Variants in MIPOL1 observed in about 807,000 individuals in gnomAD.
MIPOL1 encodes mirror-image polydactyly 1, also known as mirror-image polydactyly gene 1 protein.
In MIPOL1, 57 loss-of-function variants were observed where a neutral mutation model predicts 60.9. The ratio of observed to expected loss-of-function variants is 0.94; its 90% CI spans 0.76 to 1.17. The LOEUF is 1.17. Among genes scored for constraint, MIPOL1 ranks in the 50% most tolerant of loss-of-function variants. The probability of loss-of-function intolerance (pLI) is 0.00; values close to 1 mark genes in which losing one functional copy is unlikely to be tolerated. For missense variants in MIPOL1, 551 were observed against 511.6 expected, an observed-to-expected ratio of 1.08 and a Z score of -0.74; for synonymous variants, 179 against 168.8, an observed-to-expected ratio of 1.06 and a Z score of -0.47.
chr14:37,545,506 T>C (rs996828349), intron 12 of MIPOL1, among the ~76,000 whole-genome samples: 4 of 152,236 alleles, frequency 2.6e-5, no homozygotes, highest in Non-Finnish European at 5.9e-5. Flanking sequence ...TTTTAGTGGA[T>C]ATACAACATT....
chr14:37,381,670 T>A (rs112044349), intron 10 of MIPOL1, among the ~76,000 whole-genome samples: 1,873 of 151,750 alleles, frequency 0.012, 12 homozygotes, highest in Middle Eastern at 0.031. Flanking sequence ...GCAGCCCCAA[T>A]CTTCCAGGCT....
At chr14:37,425,941 G>A (rs1404438283) in intron 11 of MIPOL1, among the ~76,000 whole-genome samples, 1 of 152,066 alleles carries the variant, frequency 6.6e-6, no homozygotes, top group African/African-American at 2.4e-5. Flanking sequence ...GTAATTAGGA[G>A]GTAAAGAAGC....
At chr14:37,318,532 A>G (rs1302587331) in intron 9 of MIPOL1, among the ~76,000 whole-genome samples, 1 of 152,128 alleles carries the variant, frequency 6.6e-6, no homozygotes, top group Non-Finnish European at 1.5e-5. Context: ...CAGTCTTGCT[A>G]AAATATATTG....
intron 3 of MIPOL1, 108 bp downstream of exon 3, chr14:37,248,015 TGC>T: frequency 1.9e-6 from 2 of 1,044,780 alleles, no homozygotes; most frequent in Non-Finnish European, 2.9e-6. Flanking sequence ...GGTAGACAAG[TGC>T]GCACACACAC....
At chr14:37,460,154 A>G (rs1466394440) in intron 11 of MIPOL1, among the ~76,000 whole-genome samples, 2 of 152,072 alleles carry the variant, frequency 1.3e-5, no homozygotes, top group African/African-American at 4.8e-5. Context: ...CACATCAAGA[A>G]GTTAATACAC....
chr14:37,435,110 C>G (rs1379626232), intron 11 of MIPOL1, among the ~76,000 whole-genome samples: 1 of 152,074 alleles, frequency 6.6e-6, no homozygotes, highest in Non-Finnish European at 1.5e-5. Flanking sequence ...TTTTATGACC[C>G]CAGATGTATG....
intron 9 of MIPOL1, among the ~76,000 whole-genome samples, chr14:37,344,792 C>T (rs752586470): frequency 3.3e-5 from 5 of 152,002 alleles, no homozygotes; most frequent in African/African-American, 4.8e-5. Context: ...CACTTAGGGA[C>T]GCCCAGGCAG....
At chr14:37,333,660 A>G (rs2063073209) in intron 9 of MIPOL1, among the ~76,000 whole-genome samples, 2 of 152,270 alleles carry the variant, frequency 1.3e-5, no homozygotes, top group African/African-American at 2.4e-5. Flanking sequence ...AAAGAGGGAC[A>G]TATCACCAGA....
intron 10 of MIPOL1, among the ~76,000 whole-genome samples, chr14:37,421,194 C>T (rs1039822573): frequency 4.6e-5 from 7 of 152,108 alleles, no homozygotes; most frequent in African/African-American, 2.4e-5. Context: ...TGTTTTCCTA[C>T]AAGAATTTTT....
At chr14:37,213,992 A>T (rs1967141890) in intron 1 of MIPOL1, among the ~76,000 whole-genome samples, 1 of 152,222 alleles carries the variant, frequency 6.6e-6, no homozygotes, top group Non-Finnish European at 1.5e-5. Context: ...TCCTTCAAAC[A>T]TGAAAGAGAA....
intron 10 of MIPOL1, among the ~76,000 whole-genome samples, chr14:37,379,644 G>A (rs1468469315): frequency 6.6e-6 from 1 of 152,044 alleles, no homozygotes; most frequent in East Asian, 1.9e-4. Context: ...TCAAAAATGG[G>A]CAAAGTATCA....
intron 12 of MIPOL1, among the ~76,000 whole-genome samples, chr14:37,527,020 G>A (rs2153634386): frequency 6.6e-6 from 1 of 152,136 alleles, no homozygotes; most frequent in South Asian, 2.1e-4. Context: ...ATAAGATTAA[G>A]CTTTTAAAAA....
chr14:37,488,683 T>C (rs931657188), intron 11 of MIPOL1, among the ~76,000 whole-genome samples: 1 of 152,174 alleles, frequency 6.6e-6, no homozygotes, highest in Non-Finnish European at 1.5e-5. Context: ...ATTTTATTTC[T>C]CCTTTGCTTA....
chr14:37,259,272 T>C (rs1467914736), intron 3 of MIPOL1, among the ~76,000 whole-genome samples: 1 of 152,212 alleles, frequency 6.6e-6, no homozygotes, highest in Non-Finnish European at 1.5e-5. Context: ...GAATTACATA[T>C]GCACTGGGGA....
chr14:37,471,014 G>A (rs2094681672), intron 11 of MIPOL1, among the ~76,000 whole-genome samples: 1 of 152,106 alleles, frequency 6.6e-6, no homozygotes, highest in South Asian at 2.1e-4. Flanking sequence ...TTTCGGTAAT[G>A]GGTATACTAA....
chr14:37,213,023 G>A (rs1484822889), intron 1 of MIPOL1, among the ~76,000 whole-genome samples: 1 of 152,282 alleles, frequency 6.6e-6, no homozygotes, highest in East Asian at 1.9e-4. Flanking sequence ...TAGTCTTGGG[G>A]TTCCCTCTAA....
At chr14:37,281,648 A>G (rs1319143103) in intron 6 of MIPOL1, among the ~76,000 whole-genome samples, 1 of 151,726 alleles carries the variant, frequency 6.6e-6, no homozygotes, top group Admixed American at 6.6e-5. Flanking sequence ...CAGGTGATCC[A>G]CCCGCCTTGG....
chr14:37,530,989 TG>T (rs761253587), intron 12 of MIPOL1, among the ~76,000 whole-genome samples: 4 of 152,060 alleles, frequency 2.6e-5, no homozygotes, highest in Non-Finnish European at 4.4e-5. Context: ...GGCTAATTTT[TG>T]TATTTTTAGT....
rs2094142550 is a variant in MIPOL1, at chr14:37,435,054, A to G, written c.1031+12105A>G. The stretch of plus-strand genomic sequence containing the variant: ...TTTCACCACACTTTCTATTCCACCT[A>G]CTTTGTGAATTTAAAGTCATCTTCC... On this transcript the variant is annotated intron_variant, in intron 11 of 12. Coordinates refer to ENST00000684589, the MANE Select transcript of MIPOL1 (RefSeq NM_001388067.1). 2.0e-5 allele frequency among the ~76,000 whole-genome samples: 3 copies of G among 151,948 alleles called. No individual in the cohort carries two copies. The South Asian group carries it at 6.2e-4, about 32-fold the overall frequency.
Sources: gnomAD v4.1 joint callset for allele counts (sites outside exome capture counted in the v4.1 genomes callset) on GRCh38, gnomAD v4.1.1 for gene constraint, MANE v1.5 for transcripts, NCBI Gene and HGNC (gene_info 2026-07-23, HGNC 2026-07-21) for gene names.